Variants in NR3C2 observed in about 807,000 individuals in gnomAD.
The protein encoded by NR3C2 is mineralocorticoid receptor.
In NR3C2, 15 loss-of-function variants were observed where a neutral mutation model predicts 86.4. The observed-to-expected ratio is 0.17, with a 90% confidence interval of 0.12 to 0.27. NR3C2 has a LOEUF of 0.27. NR3C2 is among the 10% of genes least tolerant of loss of function. NR3C2 has a pLI of 1.00. For synonymous variants in NR3C2, 458 were observed against 450.5 expected, an observed-to-expected ratio of 1.02 and a Z score of -0.21; for missense variants, 960 against 1,195.6, an observed-to-expected ratio of 0.80 and a Z score of 2.91.
chr4:148,263,792 A>C lies in NR3C2; in HGVS notation c.1758-3675T>G, dbSNP rs139675276. On this transcript the variant is annotated intron_variant, in intron 2 of 8. Coordinates refer to ENST00000358102, the MANE Select transcript of NR3C2 (RefSeq NM_000901.5). ...CCCACTGGAAACCCTGTCCATCATT[A>C]AAGGGCCCTGATGTTCCCCCAGCAT... Among the ~76,000 whole-genome samples, 401 of 152,236 alleles carry C rather than the reference A, an allele frequency of 2.6e-3. 3 individuals are homozygous for C. Among genetic ancestry groups the C allele is most frequent in the African/African-American group, 9.1e-3 (380 of 41,556 alleles).
intron 3 of NR3C2, among the ~76,000 whole-genome samples, chr4:148,210,133 G>C (rs144445171): frequency 2.3e-4 from 35 of 152,180 alleles, no homozygotes; most frequent in Middle Eastern, 3.4e-3. Flanking sequence ...AATAAAGGTG[G>C]GCAGAAAGAG....
At chr4:148,278,412 T>G (rs751192976) in intron 2 of NR3C2, among the ~76,000 whole-genome samples, 10 of 152,132 alleles carry the variant, frequency 6.6e-5, no homozygotes, top group Non-Finnish European at 1.3e-4. Flanking sequence ...GAATCACGTT[T>G]TGAAATATAA....
At chr4:148,358,387 C>T (rs924444473) in intron 2 of NR3C2, among the ~76,000 whole-genome samples, 2 of 148,352 alleles carry the variant, frequency 1.3e-5, no homozygotes, top group Admixed American at 6.9e-5. Flanking sequence ...AACCAAACAC[C>T]GCATATTCTC....
At chr4:148,358,981 C>G (rs931422290) in intron 2 of NR3C2, among the ~76,000 whole-genome samples, 1 of 152,074 alleles carries the variant, frequency 6.6e-6, no homozygotes, top group African/African-American at 2.4e-5. Flanking sequence ...CACACACACA[C>G]ACACAGAGTG....
chr4:148,149,501 A>G (rs1734012903), intron 6 of NR3C2, among the ~76,000 whole-genome samples: 1 of 152,204 alleles, frequency 6.6e-6, no homozygotes, highest in Admixed American at 6.5e-5. Flanking sequence ...GATATTTACA[A>G]ACAATTAAAA....
At chr4:148,337,475 A>G (rs1366733866) in intron 2 of NR3C2, among the ~76,000 whole-genome samples, 1 of 152,254 alleles carries the variant, frequency 6.6e-6, no homozygotes, top group Non-Finnish European at 1.5e-5. Flanking sequence ...TTGGTTTATC[A>G]AATTTTAAGC....
chr4:148,211,285 T>A (rs1290851106), intron 3 of NR3C2, among the ~76,000 whole-genome samples: 1 of 152,226 alleles, frequency 6.6e-6, no homozygotes, highest in South Asian at 2.1e-4. Flanking sequence ...AGATTGTGTA[T>A]GCATGTGTAT....
chr4:148,359,745 T>C (rs1023677799), intron 2 of NR3C2, among the ~76,000 whole-genome samples: 1 of 152,180 alleles, frequency 6.6e-6, no homozygotes, highest in Non-Finnish European at 1.5e-5. Context: ...CTCTCCCATG[T>C]AGTATGTATA....
intron 2 of NR3C2, among the ~76,000 whole-genome samples, chr4:148,331,284 C>CG (rs11459183): frequency 0.34 from 51,326 of 151,674 alleles, 9,919 homozygotes; most frequent in African/African-American, 0.54. Context: ...GTGGGATAAA[C>CG]GAAAAACTAA....
At chr4:148,323,076 T>C (rs551900340) in intron 2 of NR3C2, among the ~76,000 whole-genome samples, 3 of 148,476 alleles carry the variant, frequency 2.0e-5, no homozygotes, top group African/African-American at 7.5e-5. Flanking sequence ...GTCCTTTCTG[T>C]TTGTTAGTTT....
intron 2 of NR3C2, among the ~76,000 whole-genome samples, chr4:148,371,230 T>C (rs150047297): frequency 1.1e-3 from 166 of 152,344 alleles, no homozygotes; most frequent in African/African-American, 3.8e-3. Flanking sequence ...TGTACAACTA[T>C]ATTTTACTAT....
At chr4:148,167,079 A>G (rs1362820496) in intron 4 of NR3C2, among the ~76,000 whole-genome samples, 1 of 152,198 alleles carries the variant, frequency 6.6e-6, no homozygotes, top group Non-Finnish European at 1.5e-5. Context: ...CTTCATTTAA[A>G]ACAAAGTCTG....
intron 6 of NR3C2, among the ~76,000 whole-genome samples, chr4:148,147,863 T>C (rs576102454): frequency 6.6e-6 from 1 of 152,314 alleles, no homozygotes; most frequent in East Asian, 1.9e-4. Flanking sequence ...AGGCATGCTT[T>C]GAGTTTTCTA....
chr4:148,131,559 T>A (rs1733046791), intron 6 of NR3C2, among the ~76,000 whole-genome samples: 1 of 152,214 alleles, frequency 6.6e-6, no homozygotes, highest in African/African-American at 2.4e-5. Flanking sequence ...GATGTATCTG[T>A]AGAAGGACCA....
At chr4:148,392,570 A>G (rs1254854932) in intron 2 of NR3C2, among the ~76,000 whole-genome samples, 2 of 152,208 alleles carry the variant, frequency 1.3e-5, no homozygotes, top group Admixed American at 6.5e-5. Context: ...GGTCCCCCAG[A>G]GCTAGCTCAG....
At chr4:148,362,874 C>T (rs1335272852) in intron 2 of NR3C2, among the ~76,000 whole-genome samples, 1 of 152,136 alleles carries the variant, frequency 6.6e-6, no homozygotes, top group African/African-American at 2.4e-5. Context: ...CTTAGGCCCT[C>T]CTCTATGGCT....
intron 2 of NR3C2, among the ~76,000 whole-genome samples, chr4:148,278,933 C>T (rs1485808680): frequency 6.6e-6 from 1 of 151,782 alleles, no homozygotes; most frequent in African/African-American, 2.4e-5. Flanking sequence ...GAGGCTGAGA[C>T]GGGTAGATCA....
chr4:148,162,404 C>T (rs989599837), intron 4 of NR3C2, among the ~76,000 whole-genome samples: 1 of 151,988 alleles, frequency 6.6e-6, no homozygotes, highest in African/African-American at 2.4e-5. Flanking sequence ...TTTCATCCCC[C>T]CTCCCCTTTT....
At chr4:148,387,930 A>C (rs1235197382) in intron 2 of NR3C2, among the ~76,000 whole-genome samples, 1 of 152,204 alleles carries the variant, frequency 6.6e-6, no homozygotes, top group African/African-American at 2.4e-5. Flanking sequence ...ATTTACCATC[A>C]AATATTTTGT....
Sources: allele counts gnomAD v4.1 joint callset (sites outside exome capture counted in the v4.1 genomes callset), GRCh38; gene constraint gnomAD v4.1.1; transcripts MANE v1.5; gene names NCBI Gene and HGNC (gene_info 2026-07-23, HGNC 2026-07-21).